Variants in FOXP1 observed in about 807,000 individuals in gnomAD.
The protein encoded by FOXP1 is forkhead box P1.
A neutral mutation model predicts 98.2 loss-of-function variants in FOXP1; 15 were observed. The ratio of observed to expected loss-of-function variants is 0.15; its 90% CI spans 0.10 to 0.24. The LOEUF (loss-of-function observed/expected upper bound fraction) is 0.24. Among genes scored for constraint, FOXP1 ranks in the 10% least tolerant of loss-of-function variants. The probability of loss-of-function intolerance (pLI) is 1.00; values close to 1 mark genes in which losing one functional copy is unlikely to be tolerated. For synonymous variants in FOXP1, 371 were observed against 314.5 expected (o/e 1.18, Z -1.90); for missense variants, 633 against 848.5 (o/e 0.75, Z 3.15).
intron 5 of FOXP1, among the ~76,000 whole-genome samples, chr3:71,279,890 G>A (rs1008080443): frequency 3.3e-5 from 5 of 152,160 alleles, no homozygotes; most frequent in East Asian, 1.9e-4. Flanking sequence ...TTGCGAGGCC[G>A]AGGCAGGCGG....
At chr3:71,286,943 T>C (rs2072208712) in intron 5 of FOXP1, among the ~76,000 whole-genome samples, 1 of 152,146 alleles carries the variant, frequency 6.6e-6, no homozygotes, top group Non-Finnish European at 1.5e-5. Context: ...TCTCGAGATG[T>C]CCAACACAGA....
intron 5 of FOXP1, among the ~76,000 whole-genome samples, chr3:71,227,184 G>A (rs1186647968): frequency 6.6e-6 from 1 of 152,036 alleles, no homozygotes; most frequent in African/African-American, 2.4e-5. Context: ...CCACAGGCAC[G>A]CGACCATGGT....
intron 2 of FOXP1, among the ~76,000 whole-genome samples, chr3:71,516,292 G>A (rs2042574594): frequency 1.3e-5 from 2 of 152,168 alleles, no homozygotes; most frequent in Non-Finnish European, 2.9e-5. Flanking sequence ...ACGTGTGTGT[G>A]TGCACACGTG....
chr3:71,449,389 T>C (rs2086732677), intron 3 of FOXP1, among the ~76,000 whole-genome samples: 1 of 152,120 alleles, frequency 6.6e-6, no homozygotes, highest in South Asian at 2.1e-4. Context: ...AGAAGTGAAA[T>C]GTAATTTTCA....
chr3:71,099,036 T>C (rs1324004593), intron 7 of FOXP1, among the ~76,000 whole-genome samples: 1 of 152,228 alleles, frequency 6.6e-6, no homozygotes, highest in Non-Finnish European at 1.5e-5. Context: ...GGATAAATGC[T>C]ATGATTACCA....
chr3:71,136,066 T>G (rs1173448013), intron 6 of FOXP1, among the ~76,000 whole-genome samples: 1 of 152,200 alleles, frequency 6.6e-6, no homozygotes, highest in Non-Finnish European at 1.5e-5. Context: ...TTAAATATGA[T>G]TTATCTAAAT....
In FOXP1 at chr3:71,279,192, A is replaced by AAAAAAAAAAAAAAC. The variant is rs368277709; in HGVS notation, c.-12+20627_-12+20628insGTTTTTTTTTTTTT. ...CATCTCAAAAAAAAAAAAAAAAAAA[A>AAAAAAAAAAAAAAC]AGAAAGAAATAGGAATTGATACCAT... is the stretch of plus-strand genomic sequence containing the variant. On this transcript the variant is annotated intron_variant, in intron 5 of 20. Transcript: ENST00000649528. Among the ~76,000 whole-genome samples the AAAAAAAAAAAAAAC allele has an allele frequency of 6.7e-4, 93 of 139,414 alleles. 1 individual carries two copies. Among genetic ancestry groups the AAAAAAAAAAAAAAC allele is most frequent in the Non-Finnish European group, 1.0e-3 (64 of 63,116 alleles). The allele number at this position is 139,414 out of a possible 152,430, so 91.5% of individuals were successfully genotyped here.
At chr3:71,091,095 T>TTC (rs1575625670) in intron 7 of FOXP1, among the ~76,000 whole-genome samples, 1 of 12,574 alleles carries the variant, frequency 8.0e-5, no homozygotes, top group Non-Finnish European at 2.5e-4. Flanking sequence ...AGGTGCCAGA[T>TTC]TCTGTGTGTG....
intron 3 of FOXP1, among the ~76,000 whole-genome samples, chr3:71,365,057 T>G (rs1274269626): frequency 1.3e-5 from 2 of 152,216 alleles, no homozygotes; most frequent in Admixed American, 6.5e-5. Flanking sequence ...CAAGTGGGTG[T>G]TGTTGTGTTC....
At chr3:71,204,482 A>G (rs552552804) in intron 5 of FOXP1, among the ~76,000 whole-genome samples, 33 of 152,184 alleles carry the variant, frequency 2.2e-4, no homozygotes, top group Non-Finnish European at 4.6e-4. Context: ...GAATCAAGCA[A>G]TGGAAATCCC....
intron 3 of FOXP1, among the ~76,000 whole-genome samples, chr3:71,384,407 G>GAAT (rs2108074715): frequency 6.6e-6 from 1 of 152,228 alleles, no homozygotes; most frequent in South Asian, 2.1e-4. Context: ...CGGAAACAAG[G>GAAT]AATATCAAGA....
chr3:71,489,675 G>A (rs925068219), intron 3 of FOXP1, among the ~76,000 whole-genome samples: 2 of 152,120 alleles, frequency 1.3e-5, no homozygotes, highest in African/African-American at 4.8e-5. Context: ...CCTGGTGAAC[G>A]GTGGCATTAA....
chr3:71,083,968 G>A (rs568362859), intron 7 of FOXP1, among the ~76,000 whole-genome samples: 1 of 152,276 alleles, frequency 6.6e-6, no homozygotes, highest in East Asian at 1.9e-4. Context: ...GAAAAGCACT[G>A]CCTGAGGGAA....
intron 3 of FOXP1, among the ~76,000 whole-genome samples, chr3:71,469,725 C>T (rs2089137086): frequency 6.6e-6 from 1 of 152,124 alleles, no homozygotes; most frequent in Admixed American, 6.5e-5. Context: ...AAATGGAAAG[C>T]CAGGGAGCTA....
rs558417537 is a variant in FOXP1, at chr3:71,128,926, T to G, written c.181-16289A>C. On this transcript the variant is annotated intron_variant, in intron 6 of 20. Coordinates refer to ENST00000649528, the MANE Select transcript of FOXP1 (RefSeq NM_001349338.3). ...AAAAAAGACACATATAATTTCCTTT[T>G]ATCATAAGACAATGCATTTATTATT... Among the ~76,000 whole-genome samples the G allele has an allele frequency of 5.9e-5, 9 of 152,302 alleles. No individual in the cohort carries two copies. In the East Asian group the frequency reaches 1.7e-3, roughly 29 times the overall value.
chr3:71,232,655 T>C (rs1459415550), intron 5 of FOXP1, among the ~76,000 whole-genome samples: 1 of 151,348 alleles, frequency 6.6e-6, no homozygotes, highest in Non-Finnish European at 1.5e-5. Context: ...TCCCAACACT[T>C]TGGGAGGTGG....
rs1343761171 is a variant in FOXP1, at chr3:70,987,547, T to TA, written c.1146+446dup. Among the ~76,000 whole-genome samples, 3 of 152,358 alleles carry TA rather than the reference T, an allele frequency of 2.0e-5. No homozygotes were observed. The East Asian group carries it at 5.8e-4, about 29-fold the overall frequency. ...CCTATGTCTTTCCTCTGTTAAGAGT[T>TA]AGACTGGACTACTACTCCCTGCTCT... On this transcript the variant is annotated intron_variant, in intron 14 of 20. Transcript: ENST00000649528.
At chr3:71,363,307 ATTGT>A (rs1156258983) in intron 3 of FOXP1, among the ~76,000 whole-genome samples, 1 of 152,242 alleles carries the variant, frequency 6.6e-6, no homozygotes, top group East Asian at 1.9e-4. Context: ...TCTACTCAAT[ATTGT>A]GTACAACTTC....
At chr3:71,161,296 G>A (rs183857399) in intron 6 of FOXP1, among the ~76,000 whole-genome samples, 1 of 152,328 alleles carries the variant, frequency 6.6e-6, no homozygotes, top group East Asian at 1.9e-4. Context: ...GGTAATTTAT[G>A]CAGCTGCATT....
Sources: gnomAD v4.1 joint callset for allele counts (sites outside exome capture counted in the v4.1 genomes callset) on GRCh38, gnomAD v4.1.1 for gene constraint, MANE v1.5 for transcripts, NCBI Gene and HGNC (gene_info 2026-07-23, HGNC 2026-07-21) for gene names.